Variants in UBE3A observed in about 807,000 individuals in gnomAD.
UBE3A encodes the protein ubiquitin protein ligase E3A.
UBE3A carries 6 observed loss-of-function variants against 83.4 expected under a neutral mutation model. The ratio of observed to expected loss-of-function variants is 0.07; its 90% confidence interval spans 0.04 to 0.14. The LOEUF (loss-of-function observed/expected upper bound fraction) is 0.14. Ranked by LOEUF, UBE3A falls within the 10% of genes least tolerant of loss-of-function variation. The probability of loss-of-function intolerance (pLI) is 1.00; values close to 1 mark genes in which losing one functional copy is unlikely to be tolerated. For missense variants in UBE3A, 456 were observed against 1,036.1 expected (o/e 0.44, Z 7.69); for synonymous variants, 337 against 355.4 (o/e 0.95, Z 0.58).
chr15:25,414,203 C>T (rs1226310507), intron 1 of UBE3A, among the ~76,000 whole-genome samples: 1 of 152,168 alleles, frequency 6.6e-6, no homozygotes, highest in East Asian at 1.9e-4. Context: ...ATCTCACTGT[C>T]CTGGTTAAGG....
rs113590278 is a variant in UBE3A, at chr15:25,399,739, A to ATT, written c.62+5721_62+5722insAA. ...ACACAGCACCGCGCCTGGCTTTAAA[A>ATT]ATTTTTTTTTTTTTTAATTTTAGAG... On this transcript the variant is annotated intron_variant, in intron 4 of 12. Coordinates refer to ENST00000648336, the MANE Select transcript of UBE3A (RefSeq NM_130839.5). Among the ~76,000 whole-genome samples the ATT allele has an allele frequency of 4.7e-3, 694 of 148,306 alleles. 4 individuals are homozygous for ATT. Among genetic ancestry groups the ATT allele is most frequent in the African/African-American group, 0.015 (612 of 40,514 alleles).
At chr15:25,399,725 C>T (rs1312449663) in intron 4 of UBE3A, among the ~76,000 whole-genome samples, 2 of 150,140 alleles carry the variant, frequency 1.3e-5, no homozygotes, top group African/African-American at 5.0e-5. Context: ...CACAGCACCG[C>T]GCCTGGCTTT....
intron 3 of UBE3A, among the ~76,000 whole-genome samples, chr15:25,406,688 TCACACACACACACACACA>T (rs60819760): frequency 2.0e-5 from 3 of 148,588 alleles, no homozygotes; most frequent in Admixed American, 2.0e-4. Context: ...TTAAAATCAG[TCACACACACACACACACA>T]CACACACACG....
intron 1 of UBE3A, among the ~76,000 whole-genome samples, chr15:25,420,402 A>C (rs1889196195): frequency 1.3e-5 from 2 of 152,308 alleles, no homozygotes; most frequent in African/African-American, 4.8e-5. Flanking sequence ...GATAAACTCA[A>C]AATTATAGTT....
intron 1 of UBE3A, among the ~76,000 whole-genome samples, chr15:25,432,690 C>T (rs542217921): frequency 6.6e-6 from 1 of 152,138 alleles, no homozygotes; most frequent in Non-Finnish European, 1.5e-5. Flanking sequence ...AGGAGATGAA[C>T]TTCTGGAACA....
In UBE3A at chr15:25,337,137, A is replaced by C. The variant is rs969021685; in HGVS notation, c.*2000T>G. 19 of 152,160 alleles carry C rather than the reference A, an allele frequency of 1.2e-4. No homozygotes were observed. The highest frequency in any genetic ancestry group is 4.8e-5 in the African/African-American group (2 of 41,436). The allele number at this position is 152,160 out of a possible 1,614,324, so 9.4% of individuals were successfully genotyped here. Reference sequence around the variant, plus strand: ...CTTGATGTGAACAACTCTATATCTGATAACCTATTTCAATTACCACTTTAA... The same window carrying C: ...CTTGATGTGAACAACTCTATATCTGCTAACCTATTTCAATTACCACTTTAA... On this transcript the variant is annotated 3_prime_UTR_variant, in exon 13 of 13. Transcript: ENST00000648336.
chr15:25,344,310 T>C (rs1321702071), intron 11 of UBE3A, among the ~76,000 whole-genome samples: 2 of 152,196 alleles, frequency 1.3e-5, no homozygotes, highest in African/African-American at 4.8e-5. Flanking sequence ...TAATGTGGGA[T>C]GATTCTCAGG....
At chr15:25,404,708 C>A (rs2088035060) in intron 4 of UBE3A, among the ~76,000 whole-genome samples, 1 of 152,160 alleles carries the variant, frequency 6.6e-6, no homozygotes, top group Non-Finnish European at 1.5e-5. Context: ...TGAGCAAATT[C>A]TTTGCTGACT....
chr15:25,398,814 T>TATATATAA (rs1442051896), intron 4 of UBE3A, among the ~76,000 whole-genome samples: 3 of 59,278 alleles, frequency 5.1e-5, no homozygotes, highest in Admixed American at 2.8e-4. Context: ...TATATATATA[T>TATATATAA]AAAAATACAT....
chr15:25,398,772 T>TATATATAC (rs2086232466), intron 4 of UBE3A, among the ~76,000 whole-genome samples: 1 of 5,626 alleles, frequency 1.8e-4, no homozygotes, highest in Admixed American at 2.3e-3. Context: ...TTCTTTTATT[T>TATATATAC]ATATATATAT....
rs547262715 is a variant in UBE3A at position 25,419,476 on chromosome 15, A to C, written c.-164-7505T>G. The stretch of plus-strand genomic sequence containing the variant: ...TTTCCATACAAACAAAAGCTGAAAG[A>C]TTTTGTAGCCAGTAGACCTATACTT... On this transcript the variant is annotated intron_variant, in intron 1 of 12. Transcript: ENST00000648336. 2.5e-3 allele frequency: 385 copies of C among 152,254 alleles called. 3 individuals carry two copies. Among genetic ancestry groups the C allele is most frequent in the African/African-American group, 8.8e-3 (367 of 41,568 alleles). 9.4% of individuals were successfully genotyped at this position (152,254 alleles called of 1,614,324 possible).
At chr15:25,406,660 G>A (rs1040793190) in intron 3 of UBE3A, among the ~76,000 whole-genome samples, 2 of 149,998 alleles carry the variant, frequency 1.3e-5, no homozygotes, top group Admixed American at 6.7e-5. Context: ...CCAACTTTAA[G>A]CAACTCTAAC....
chr15:25,377,293 T>C (rs1385796788), intron 4 of UBE3A, among the ~76,000 whole-genome samples: 1 of 152,154 alleles, frequency 6.6e-6, no homozygotes, highest in Non-Finnish European at 1.5e-5. Flanking sequence ...ACACATTCAA[T>C]TCATTCTGGT....
chr15:25,397,392 A>G (rs997963823), intron 4 of UBE3A, among the ~76,000 whole-genome samples: 1 of 152,136 alleles, frequency 6.6e-6, no homozygotes. Flanking sequence ...TTACTACCAA[A>G]TGCAAGCTTC....
chr15:25,417,503 C>G (rs1419920462), intron 1 of UBE3A, among the ~76,000 whole-genome samples: 1 of 151,832 alleles, frequency 6.6e-6, no homozygotes, highest in Non-Finnish European at 1.5e-5. Flanking sequence ...AAAAAACCAA[C>G]CAACAAATTC....
Position 25,352,431 on chromosome 15 carries a change from T to C in UBE3A, c.2354+1922A>G, listed in dbSNP as rs1019769727. The stretch of plus-strand genomic sequence containing the variant: ...TGGCAGTAAAGTGAGTCACACAAAT[T>C]TTTTTGTTTCCCAGTGCTTATAAAA... On this transcript the variant is annotated intron_variant, in intron 11 of 12. Coordinates refer to ENST00000648336, the MANE Select transcript of UBE3A (RefSeq NM_130839.5). Among the ~76,000 whole-genome samples, 6 of 152,192 alleles carry C rather than the reference T, an allele frequency of 3.9e-5. No homozygotes were observed. In the South Asian group the frequency reaches 1.2e-3, roughly 32 times the overall value.
At chr15:25,429,217 T>C (rs556918737) in intron 1 of UBE3A, among the ~76,000 whole-genome samples, 3 of 152,292 alleles carry the variant, frequency 2.0e-5, no homozygotes, top group Admixed American at 2.0e-4. Flanking sequence ...GATGTGAAAT[T>C]TACTTAAGAA....
At chr15:25,355,715 G>A (rs1416351227) in intron 9 of UBE3A, among the ~76,000 whole-genome samples, 177 bp downstream of exon 9, 1 of 151,702 alleles carries the variant, frequency 6.6e-6, no homozygotes, top group African/African-American at 2.4e-5. Flanking sequence ...CCAACTGTGT[G>A]CTTTCATACC....
chr15:25,397,627 C>G (rs1303914753), intron 4 of UBE3A, among the ~76,000 whole-genome samples: 6 of 152,124 alleles, frequency 3.9e-5, no homozygotes, highest in African/African-American at 1.4e-4. Context: ...CTAAGTCCAC[C>G]ATTATTCTTC....
Sources: allele counts gnomAD v4.1 joint callset (sites outside exome capture counted in the v4.1 genomes callset), GRCh38; gene constraint gnomAD v4.1.1; transcripts MANE v1.5; gene names NCBI Gene and HGNC (gene_info 2026-07-23, HGNC 2026-07-21).